Variants in PAIP2 observed in about 807,000 individuals in gnomAD.
PAIP2 encodes polyadenylate-binding protein-interacting protein 2.
PAIP2 carries 7 observed loss-of-function variants against 14.8 expected under a neutral mutation model. The observed-to-expected ratio is 0.47, with a 90% CI of 0.27 to 0.89. PAIP2 has a LOEUF of 0.89. Ranked by LOEUF, PAIP2 falls within the 40% of genes least tolerant of loss-of-function variation. PAIP2 has a pLI of 0.13. For synonymous variants in PAIP2, 47 were observed against 45.3 expected, an observed-to-expected ratio of 1.04 and a Z score of -0.15; for missense variants, 122 against 154.7, an observed-to-expected ratio of 0.79 and a Z score of 1.12.
intron 3 of PAIP2, among the ~76,000 whole-genome samples, chr5:139,365,805 A>G (rs1248459958): frequency 6.6e-6 from 1 of 152,206 alleles, no homozygotes; most frequent in Non-Finnish European, 1.5e-5. Flanking sequence ...ATGTTGCCCT[A>G]GGGTACTTAA....
At chr5:139,352,652 G>A (rs1475004713) in intron 1 of PAIP2, among the ~76,000 whole-genome samples, 1 of 150,580 alleles carries the variant, frequency 6.6e-6, no homozygotes, top group African/African-American at 2.4e-5. Flanking sequence ...TGTGTTTTTA[G>A]TAGAGACAGG....
At chr5:139,351,193 G>T (rs185806489) in intron 1 of PAIP2, among the ~76,000 whole-genome samples, 1 of 151,990 alleles carries the variant, frequency 6.6e-6, no homozygotes, top group African/African-American at 2.4e-5. Flanking sequence ...ATAGGAATGC[G>T]TATTGCCACA....
Position 139,363,826 on chromosome 5 carries a change from C to T in PAIP2, c.42C>T (p.Ile14=). The T allele has an allele frequency of 1.2e-6, 2 of 1,614,038 alleles. No individual in the cohort carries two copies. The highest frequency in any genetic ancestry group is 1.7e-6 in the Non-Finnish European group (2 of 1,179,918). Reference sequence around the variant, plus strand: ...GCAGCAGTACTAGCCCAAGCATCATCAATGAAGATGTGATTATTAACGGTC... The same window carrying T: ...GCAGCAGTACTAGCCCAAGCATCATTAATGAAGATGTGATTATTAACGGTC... ...PSRSSTSPSI[I]NEDVIINGHS... The change falls in exon 2 of 4, where the codon ATC becomes ATT. Residue 14 remains isoleucine (I), a synonymous_variant. Transcript: ENST00000265192.
chr5:139,349,456 C>T (rs1340996403), intron 1 of PAIP2, among the ~76,000 whole-genome samples: 1 of 151,726 alleles, frequency 6.6e-6, no homozygotes, highest in Non-Finnish European at 1.5e-5. Context: ...GCCATGTTGG[C>T]CAGGATGGTC....
rs1186779266 is a variant in PAIP2 at position 139,360,114 on chromosome 5, G to A, written c.-26-3645G>A. Reference sequence around the variant, plus strand: ...CCCAAGTAGCTGGGACTACAGGTGCGTGCCACCATACCTGGCTAGTTTTTG... The same window carrying A: ...CCCAAGTAGCTGGGACTACAGGTGCATGCCACCATACCTGGCTAGTTTTTG... On this transcript the variant is annotated intron_variant, in intron 1 of 3. Coordinates refer to ENST00000265192, the MANE Select transcript of PAIP2 (RefSeq NM_016480.5). Among the ~76,000 whole-genome samples the A allele has an allele frequency of 3.3e-5, 5 of 151,658 alleles. No individual in the cohort carries two copies. In the East Asian group the frequency reaches 8.0e-4, roughly 24 times the overall value.
rs569555562 is a variant in PAIP2, at chr5:139,356,130, T to A, written c.-26-7629T>A. ...TCCAGCCTGGGTGACAGAGCAAAAC[T>A]CTGTCTCAAAAACGATACGTTAAAT... On this transcript the variant is annotated intron_variant, in intron 1 of 3. Transcript: ENST00000265192. Among the ~76,000 whole-genome samples, 10 of 136,938 alleles carry A rather than the reference T, an allele frequency of 7.3e-5. No individual in the cohort carries two copies. In the South Asian group the frequency reaches 2.3e-3, roughly 32 times the overall value. The allele number at this position is 136,938 out of a possible 152,430, so 89.8% of individuals were successfully genotyped here. A position where few individuals can be genotyped will look rare whatever the true frequency, so the allele number is the denominator to read the frequency against.
chr5:139,368,106 C>T (rs939897210), intron 3 of PAIP2, among the ~76,000 whole-genome samples: 1 of 152,034 alleles, frequency 6.6e-6, no homozygotes, highest in Non-Finnish European at 1.5e-5. Flanking sequence ...GAGGCCAAGG[C>T]GGGCGGATCA....
At chr5:139,351,327 A>G (rs1756725227) in intron 1 of PAIP2, among the ~76,000 whole-genome samples, 1 of 152,060 alleles carries the variant, frequency 6.6e-6, no homozygotes, top group Admixed American at 6.6e-5. Context: ...AAAAAAAAAA[A>G]GAGTGATCAT....
chr5:139,347,851 T>C (rs553582436), intron 1 of PAIP2, among the ~76,000 whole-genome samples: 7 of 151,696 alleles, frequency 4.6e-5, no homozygotes, highest in Non-Finnish European at 1.0e-4. Flanking sequence ...TTTACAAAGA[T>C]AGGAAGTTAG....
intron 1 of PAIP2, among the ~76,000 whole-genome samples, chr5:139,360,671 C>T (rs529380124): frequency 9.5e-4 from 145 of 152,044 alleles, no homozygotes; most frequent in Non-Finnish European, 1.8e-3. Flanking sequence ...CCATATTGCC[C>T]AGGCTAGTAT....
At position 139,341,886 on chromosome 5, in the gene PAIP2, C is replaced by G. The variant is rs900829589; in HGVS notation, c.-121C>G. 1 of 152,836 alleles carries G rather than the reference C, an allele frequency of 6.5e-6. No individual in the cohort carries two copies. The highest frequency in any genetic ancestry group is 2.4e-5 in the African/African-American group (1 of 41,452). 9.5% of individuals were successfully genotyped at this position (152,836 alleles called of 1,614,324 possible). On this transcript the variant is annotated 5_prime_UTR_variant, in exon 1 of 4. Coordinates refer to ENST00000265192, the MANE Select transcript of PAIP2 (RefSeq NM_016480.5). ...TGGACTGGAGAAGGGAGGCGGCGGG[C>G]GAAGCGCACGTCGAGCGGGGGAGCG... is the stretch of plus-strand genomic sequence containing the variant.
At chr5:139,351,605 CTA>C (rs1169339393) in intron 1 of PAIP2, among the ~76,000 whole-genome samples, 2 of 152,176 alleles carry the variant, frequency 1.3e-5, no homozygotes, top group East Asian at 1.9e-4. Context: ...GAGGGAAAAA[CTA>C]TATACGCTTT....
chr5:139,352,502 G>GTTTTTTTTTTTTTTTT lies in PAIP2; in HGVS notation c.-27+10534_-27+10535insTTTTTTTTTTTTTTTT, dbSNP rs536704901. ...AATTCCTGCCAGTTTTTTTTTTGTTGTTTTTTTTTTTTGAGATGGAGTTTC... is the reference window on the plus strand; with the variant it reads ...AATTCCTGCCAGTTTTTTTTTTGTTGTTTTTTTTTTTTTTTTTTTTTTTTTTTTGAGATGGAGTTTC... On this transcript the variant is annotated intron_variant, in intron 1 of 3. Transcript: ENST00000265192. Among the ~76,000 whole-genome samples, 248 of 76,136 alleles carry GTTTTTTTTTTTTTTTT rather than the reference G, an allele frequency of 3.3e-3. 7 individuals are homozygous for GTTTTTTTTTTTTTTTT. The highest frequency in any genetic ancestry group is 3.9e-3 in the Non-Finnish European group (117 of 29,928). The allele number at this position is 76,136 out of a possible 152,430, so 49.9% of individuals were successfully genotyped here.
At chr5:139,364,339 C>G (rs945527011) in intron 2 of PAIP2, among the ~76,000 whole-genome samples, 2 of 152,052 alleles carry the variant, frequency 1.3e-5, no homozygotes, top group Non-Finnish European at 2.9e-5. Flanking sequence ...CCCTGCCACC[C>G]TCAATGGAAA....
chr5:139,344,963 G>A (rs1043699093), intron 1 of PAIP2, among the ~76,000 whole-genome samples: 1 of 152,066 alleles, frequency 6.6e-6, no homozygotes, highest in Non-Finnish European at 1.5e-5. Flanking sequence ...TGAGGAAACC[G>A]AGACTCAGGT....
chr5:139,354,731 A>G (rs1756854969), intron 1 of PAIP2, among the ~76,000 whole-genome samples: 1 of 151,556 alleles, frequency 6.6e-6, no homozygotes, highest in South Asian at 2.1e-4. Flanking sequence ...ATAAATCTCA[A>G]TTGACCTTAA....
In PAIP2 at chr5:139,369,117, A is replaced by G. The variant is rs1757489996; in HGVS notation, c.*319A>G. 5.0e-6 allele frequency: 1 copy of G among 200,440 alleles called. No homozygotes were observed. 12.4% of individuals were successfully genotyped at this position (200,440 alleles called of 1,614,324 possible). ...TGTCTTTTTTTGAGGCTAATCTATC[A>G]CTTGTTAATGTCTAAACTTTAAAAT... is the stretch of plus-strand genomic sequence containing the variant. On this transcript the variant is annotated 3_prime_UTR_variant, in exon 4 of 4. Transcript: ENST00000265192.
At chr5:139,352,526 T>TGA (rs1756777726) in intron 1 of PAIP2, among the ~76,000 whole-genome samples, 1 of 150,378 alleles carries the variant, frequency 6.6e-6, no homozygotes, top group Admixed American at 6.6e-5. Context: ...AGATGGAGTT[T>TGA]CGTCCTTGTT....
At chr5:139,364,834 T>C in intron 3 of PAIP2, 91 bp downstream of exon 3, 1 of 819,188 alleles carries the variant, frequency 1.2e-6, no homozygotes, top group Non-Finnish European at 1.9e-6. Context: ...ATTCTACATC[T>C]CTTTCCCCTT....
Sources: gnomAD v4.1 joint callset for allele counts (sites outside exome capture counted in the v4.1 genomes callset) on GRCh38, gnomAD v4.1.1 for gene constraint, MANE v1.5 for transcripts, NCBI Gene and HGNC (gene_info 2026-07-23, HGNC 2026-07-21) for gene names.